NTN1: variants seen among roughly 807,000 people sequenced by gnomAD.
NTN1 encodes the protein netrin 1.
A neutral mutation model predicts 54.2 loss-of-function variants in NTN1; 11 were observed. The observed-to-expected ratio is 0.20, with a 90% CI of 0.13 to 0.34. The LOEUF is 0.34. Ranked by LOEUF, NTN1 falls within the 10% of genes least tolerant of loss-of-function variation. The pLI, the probability that NTN1 is intolerant of heterozygous loss-of-function variation, is 1.00. For synonymous variants in NTN1, 371 were observed against 382.0 expected, an observed-to-expected ratio of 0.97 and a Z score of 0.33; for missense variants, 740 against 893.1, an observed-to-expected ratio of 0.83 and a Z score of 2.18.
At chr17:9,226,288 C>T (rs2142362518) in intron 6 of NTN1, among the ~76,000 whole-genome samples, 1 of 152,246 alleles carries the variant, frequency 6.6e-6, no homozygotes, top group Middle Eastern at 3.4e-3. Flanking sequence ...AGCTTCGCCG[C>T]CGGGGCCTCG....
chr17:9,034,062 G>A (rs1260946341), intron 2 of NTN1, among the ~76,000 whole-genome samples: 11 of 152,194 alleles, frequency 7.2e-5, no homozygotes, highest in Admixed American at 6.5e-4. Flanking sequence ...GAGAACACCC[G>A]TCTTTGACTT....
rs942106822 is a variant in NTN1, at chr17:9,096,651, G to A, written c.1019-66162G>A. On this transcript the variant is annotated intron_variant, in intron 2 of 6. Transcript: ENST00000173229. ...TTCCCAAAGTGCTGGGATTACAGGC[G>A]TGAGCCACCGCACCCAGCCCATCAT... Among the ~76,000 whole-genome samples the A allele has an allele frequency of 9.9e-5, 15 of 152,164 alleles. No homozygotes were observed. The South Asian group carries it at 1.0e-3, about 11-fold the overall frequency.
chr17:9,222,941 GCCAGGGTAAGA>G (rs1905413170), intron 6 of NTN1, among the ~76,000 whole-genome samples: 1 of 152,186 alleles, frequency 6.6e-6, no homozygotes, highest in South Asian at 2.1e-4. Flanking sequence ...ACACACTGAA[GCCAGGGTAAGA>G]CCCCAGTAAT....
chr17:9,185,158 A>C (rs1392660584), intron 5 of NTN1, among the ~76,000 whole-genome samples: 3 of 152,192 alleles, frequency 2.0e-5, no homozygotes, highest in Non-Finnish European at 4.4e-5. Context: ...TCGGATGCCC[A>C]GGGTGTCTGA....
the NTN1 span, among the ~76,000 whole-genome samples, chr17:9,006,864 C>A: frequency 7.9e-5 from 12 of 152,322 alleles, no homozygotes; most frequent in East Asian, 2.3e-3. Context: ...ATTAGTAGCA[C>A]CCACTCTTGG....
At chr17:9,124,507 C>T (rs2092240193) in intron 2 of NTN1, among the ~76,000 whole-genome samples, 1 of 152,228 alleles carries the variant, frequency 6.6e-6, no homozygotes, top group Non-Finnish European at 1.5e-5. Context: ...CTAATATGGG[C>T]TTGGGCCACA....
intron 5 of NTN1, among the ~76,000 whole-genome samples, chr17:9,192,211 T>G (rs1430563313): frequency 1.3e-5 from 2 of 152,146 alleles, no homozygotes; most frequent in Non-Finnish European, 2.9e-5. Flanking sequence ...GTGCCAAAAT[T>G]TAGCTACAGA....
At chr17:9,169,955 A>G (rs1023958346) in intron 3 of NTN1, among the ~76,000 whole-genome samples, 10 of 152,352 alleles carry the variant, frequency 6.6e-5, no homozygotes, top group Admixed American at 4.6e-4. Context: ...GAGCTCCCCA[A>G]GTTAACGGAA....
At chr17:9,017,053 A>AC (rs1285789238), upstream of NTN1, among the ~76,000 whole-genome samples, 16 of 152,166 alleles carry the variant, frequency 1.1e-4, no homozygotes, top group African/African-American at 3.9e-4. Flanking sequence ...ACACTTGGAG[A>AC]CCACCTGACC....
chr17:9,013,972 G>A, the NTN1 span, among the ~76,000 whole-genome samples: 1 of 152,112 alleles, frequency 6.6e-6, no homozygotes, highest in Non-Finnish European at 1.5e-5. Context: ...CCCATCCACA[G>A]GCATTTTCAC....
At chr17:9,031,979 TAA>T (rs377663794) in intron 2 of NTN1, among the ~76,000 whole-genome samples, 1 of 139,922 alleles carries the variant, frequency 7.1e-6, no homozygotes, top group Admixed American at 7.2e-5. Context: ...AAAAAGAAGA[TAA>T]AAAAAAAAAA....
chr17:9,028,540 T>C (rs2091878786), intron 2 of NTN1, among the ~76,000 whole-genome samples: 1 of 152,116 alleles, frequency 6.6e-6, no homozygotes, highest in Non-Finnish European at 1.5e-5. Context: ...TCTGACCTCC[T>C]CCTCCTGTAG....
At chr17:9,148,600 A>G (rs1364049608) in intron 2 of NTN1, among the ~76,000 whole-genome samples, 2 of 152,076 alleles carry the variant, frequency 1.3e-5, no homozygotes, top group Non-Finnish European at 2.9e-5. Context: ...CTGTATTTTT[A>G]TTTGCTAAAC....
At position 9,211,154 on chromosome 17, in the gene NTN1, G is replaced by A. The variant is rs762375461; in HGVS notation, c.1412-10014G>A. On this transcript the variant is annotated intron_variant, in intron 5 of 6. Transcript: ENST00000173229. This position sits in a 1 kb window ranked among gnomAD's most constrained non-coding sequence, Gnocchi z 4.4. ...AGGCCCTAGGGACTCCCTGCAAACT[G>A]TAAGCCTCATCTCTGGCTGTGCAAA... 6.6e-6 allele frequency among the ~76,000 whole-genome samples: 1 copy of A among 152,112 alleles called. No individual in the cohort carries two copies. Among genetic ancestry groups the A allele is most frequent in the Non-Finnish European group, 1.5e-5 (1 of 68,026 alleles).
chr17:9,048,812 G>A (rs577265835), intron 2 of NTN1, among the ~76,000 whole-genome samples: 8 of 152,108 alleles, frequency 5.3e-5, no homozygotes, highest in South Asian at 2.1e-4. Flanking sequence ...GCCCACCACC[G>A]CACCCAGCTG....
intron 5 of NTN1, among the ~76,000 whole-genome samples, chr17:9,203,076 C>G (rs1222043040): frequency 6.6e-6 from 1 of 152,178 alleles, no homozygotes; most frequent in Non-Finnish European, 1.5e-5. Context: ...CGCTGGCCAC[C>G]AAGCCTGGCT....
chr17:9,016,313 G>C, the NTN1 span, among the ~76,000 whole-genome samples: 1 of 151,934 alleles, frequency 6.6e-6, no homozygotes, highest in Non-Finnish European at 1.5e-5. Context: ...TGGCCGTCTC[G>C]TCTCTAATCA....
chr17:9,203,742 G>A (rs943232876), intron 5 of NTN1, among the ~76,000 whole-genome samples: 1 of 152,134 alleles, frequency 6.6e-6, no homozygotes, highest in African/African-American at 2.4e-5. Flanking sequence ...GGTGGAGGTT[G>A]CAGTGAGCTG....
chr17:9,235,394 T>A (rs1359983151), intron 6 of NTN1, among the ~76,000 whole-genome samples: 2 of 152,206 alleles, frequency 1.3e-5, no homozygotes, highest in East Asian at 3.8e-4. Context: ...AGAGCCCCCC[T>A]GTTCCAGCGT....
Sources: gnomAD v4.1 joint callset for allele counts (sites outside exome capture counted in the v4.1 genomes callset) on GRCh38, gnomAD v4.1.1 for gene constraint, Gnocchi (gnomAD v3.1) non-coding constraint, MANE v1.5 for transcripts, NCBI Gene and HGNC (gene_info 2026-07-23, HGNC 2026-07-21) for gene names.